The following HMGXB4 variants were observed in gnomAD, a reference collection of about 807,000 sequenced individuals.
HMGXB4 encodes the protein HMG domain-containing protein 4.
HMGXB4 carries 27 observed loss-of-function variants against 63.9 expected under a neutral mutation model. The ratio of observed to expected loss-of-function variants is 0.42; its 90% CI spans 0.31 to 0.58. HMGXB4 has a LOEUF of 0.58. Among genes scored for constraint, HMGXB4 ranks in the 20% least tolerant of loss-of-function variants. The pLI, the probability that HMGXB4 is intolerant of heterozygous loss-of-function variation, is 0.13. For missense variants in HMGXB4, 624 were observed against 700.7 expected (o/e 0.89, Z 1.24); for synonymous variants, 264 against 265.3 (o/e 0.99, Z 0.05).
intron 3 of HMGXB4, among the ~76,000 whole-genome samples, chr22:35,263,469 G>T (rs1364185578): frequency 6.6e-6 from 1 of 151,926 alleles, no homozygotes; most frequent in African/African-American, 2.4e-5. Flanking sequence ...TTTTATCAGA[G>T]ACAGGGTTTC....
chr22:35,261,328 C>A (rs1220449015), intron 1 of HMGXB4, among the ~76,000 whole-genome samples: 1 of 151,506 alleles, frequency 6.6e-6, no homozygotes, highest in Admixed American at 6.6e-5. Context: ...CTCAGCTACT[C>A]GGGAGGCTGA....
chr22:35,248,950 C>T, the HMGXB4 span, among the ~76,000 whole-genome samples: 1 of 152,150 alleles, frequency 6.6e-6, no homozygotes. Flanking sequence ...CTCTGGGTGA[C>T]TGGGTGAATG....
rs12484121 is a variant in HMGXB4, at chr22:35,272,438, G to T, written c.1215+6835G>T. ...TTGTTTTGGAGGTGGTTTTTGTTTG[G>T]TTGGTTGGTTGGTTTTACTGGTTTT... On this transcript the variant is annotated intron_variant, in intron 5 of 10. Transcript: ENST00000216106. Among the ~76,000 whole-genome samples the T allele has an allele frequency of 6.7e-3, 1,018 of 152,246 alleles. 22 individuals carry two copies. The East Asian group carries it at 0.077, about 12-fold the overall frequency.
At chr22:35,282,535 A>T (rs1183394596) in intron 5 of HMGXB4, among the ~76,000 whole-genome samples, 1 of 152,196 alleles carries the variant, frequency 6.6e-6, no homozygotes, top group East Asian at 1.9e-4. Flanking sequence ...TCATATTTTG[A>T]TGCTTCCAGA....
chr22:35,267,187 C>T (rs930500120), intron 5 of HMGXB4, among the ~76,000 whole-genome samples: 7 of 147,506 alleles, frequency 4.7e-5, no homozygotes, highest in African/African-American at 1.5e-4. Context: ...TATATATATA[C>T]ACACACACAT....
At chr22:35,268,288 G>A (rs768458852) in intron 5 of HMGXB4, among the ~76,000 whole-genome samples, 1 of 151,890 alleles carries the variant, frequency 6.6e-6, no homozygotes, top group African/African-American at 2.4e-5. Context: ...CAGTCTTATC[G>A]TTCACTTTTA....
intron 5 of HMGXB4, among the ~76,000 whole-genome samples, chr22:35,274,742 C>T (rs1468179547): frequency 6.6e-6 from 1 of 152,190 alleles, no homozygotes; most frequent in East Asian, 1.9e-4. Context: ...TGACAGATAG[C>T]AGAAGTATAG....
chr22:35,287,097 G>A, intron 7 of HMGXB4: 1 of 416,294 alleles, frequency 2.4e-6, no homozygotes, highest in Non-Finnish European at 4.5e-6. Context: ...AACTTAGAGT[G>A]ATCTAAAAAT....
chr22:35,288,532 T>C (rs1924732652), intron 9 of HMGXB4, 125 bp downstream of exon 9: 10 of 615,224 alleles, frequency 1.6e-5, no homozygotes, highest in Non-Finnish European at 2.3e-5. Context: ...TGCCAGGTTC[T>C]CAGGATGGCG....
At chr22:35,274,940 G>C (rs891254857) in intron 5 of HMGXB4, among the ~76,000 whole-genome samples, 1 of 152,074 alleles carries the variant, frequency 6.6e-6, no homozygotes, top group Non-Finnish European at 1.5e-5. Context: ...CCTGTGTTTA[G>C]TGGCCCTGCC....
Position 35,267,120 on chromosome 22 carries a change from A to C in HMGXB4, c.1215+1517A>C, listed in dbSNP as rs2413330. Among the ~76,000 whole-genome samples the C allele has an allele frequency of 2.7e-5, 4 of 146,428 alleles. No homozygotes were observed. In the East Asian group the frequency reaches 7.9e-4, roughly 29 times the overall value. On this transcript the variant is annotated intron_variant, in intron 5 of 10. Coordinates refer to ENST00000216106, the MANE Select transcript of HMGXB4 (RefSeq NM_001003681.3). Reference sequence around the variant, plus strand: ...TCTGTTTATATCTATCTGTAGATCTATATCTGTTTATCAGTATGTGTGTGT... The same window carrying C: ...TCTGTTTATATCTATCTGTAGATCTCTATCTGTTTATCAGTATGTGTGTGT...
At chr22:35,277,956 G>A (rs949227105) in intron 5 of HMGXB4, among the ~76,000 whole-genome samples, 1 of 152,098 alleles carries the variant, frequency 6.6e-6, no homozygotes, top group Non-Finnish European at 1.5e-5. Context: ...ACACGTATCC[G>A]CCATCACAGT....
At chr22:35,266,804 G>A (rs1054939216) in intron 5 of HMGXB4, among the ~76,000 whole-genome samples, 9 of 152,042 alleles carry the variant, frequency 5.9e-5, no homozygotes, top group Admixed American at 1.3e-4. Context: ...GCAACATAGC[G>A]AAACCCAGTC....
At chr22:35,241,573 G>A in the HMGXB4 span, among the ~76,000 whole-genome samples, 2 of 152,156 alleles carry the variant, frequency 1.3e-5, no homozygotes, top group Admixed American at 1.3e-4. Context: ...GGCTGCTTCG[G>A]GATCCACTGA....
intron 5 of HMGXB4, among the ~76,000 whole-genome samples, chr22:35,280,658 G>A (rs1333004204): frequency 6.6e-6 from 1 of 152,156 alleles, no homozygotes. Flanking sequence ...TAAAATACTT[G>A]AATGGCATCT....
At chr22:35,282,260 T>C (rs1457684042) in intron 5 of HMGXB4, among the ~76,000 whole-genome samples, 2 of 152,202 alleles carry the variant, frequency 1.3e-5, no homozygotes, top group African/African-American at 4.8e-5. Flanking sequence ...TACTGCAAGC[T>C]CCACCTCCCG....
intron 9 of HMGXB4, among the ~76,000 whole-genome samples, chr22:35,291,310 G>A (rs1215262940): frequency 1.3e-5 from 2 of 152,112 alleles, no homozygotes; most frequent in African/African-American, 2.4e-5. Context: ...GGCGTGTGGT[G>A]TGTGTGTATC....
upstream of HMGXB4, among the ~76,000 whole-genome samples, chr22:35,257,008 C>T (rs745613776): frequency 1.2e-4 from 19 of 152,220 alleles, no homozygotes; most frequent in Non-Finnish European, 2.1e-4. Context: ...AGTTCTTCAC[C>T]TCACCCCTAA....
rs78672767 is a variant in HMGXB4, at chr22:35,274,099, A to G, written c.1215+8496A>G. On this transcript the variant is annotated intron_variant, in intron 5 of 10. Coordinates refer to ENST00000216106, the MANE Select transcript of HMGXB4 (RefSeq NM_001003681.3). ...TCTCAAAGAGCTTTCAGTCTAGTAA[A>G]AGGTTGGAAAGGACTTGGTGTGTTG... Among the ~76,000 whole-genome samples, 16 of 152,314 alleles carry G rather than the reference A, an allele frequency of 1.1e-4. No homozygotes were observed. In the East Asian group the frequency reaches 3.1e-3, roughly 29 times the overall value.
Sources: gnomAD v4.1 joint callset for allele counts (sites outside exome capture counted in the v4.1 genomes callset) on GRCh38, gnomAD v4.1.1 for gene constraint, MANE v1.5 for transcripts, NCBI Gene and HGNC (gene_info 2026-07-23, HGNC 2026-07-21) for gene names.